Variants in VAC14 observed in about 807,000 individuals in gnomAD.
The protein encoded by VAC14 is VAC14 component of PIKFYVE complex.
A neutral mutation model predicts 85.3 loss-of-function variants in VAC14; 47 were observed. The ratio of observed to expected loss-of-function variants is 0.55; its 90% confidence interval spans 0.44 to 0.70. The LOEUF (loss-of-function observed/expected upper bound fraction) is 0.70, where lower values mean the gene tolerates loss of function less well. Among genes scored for constraint, VAC14 ranks in the 30% least tolerant of loss-of-function variants. The pLI, the probability that VAC14 is intolerant of heterozygous loss-of-function variation, is 0.00. For missense variants in VAC14, 861 were observed against 1,004.3 expected, an observed-to-expected ratio of 0.86 and a Z score of 1.93; for synonymous variants, 447 against 430.5, an observed-to-expected ratio of 1.04 and a Z score of -0.47.
intron 12 of VAC14, among the ~76,000 whole-genome samples, chr16:70,745,490 T>TGCGCGC (rs1173529755): frequency 7.1e-6 from 1 of 140,742 alleles, no homozygotes; most frequent in Non-Finnish European, 1.5e-5. Flanking sequence ...TCAGTGTGTG[T>TGCGCGC]GTGTGTGTGT....
At chr16:70,747,613 G>A (rs1198851982) in intron 12 of VAC14, 2 of 152,072 alleles carry the variant, frequency 1.3e-5, no homozygotes, top group Non-Finnish European at 2.9e-5. Context: ...GGTGTCTCTC[G>A]CCTGATCCAG....
At chr16:70,766,568 C>G (rs1012727194) in intron 10 of VAC14, 1 of 456,438 alleles carries the variant, frequency 2.2e-6, no homozygotes, top group Admixed American at 2.4e-5. Context: ...TAACACAATC[C>G]TTCAAGGTAC....
Position 70,751,066 on chromosome 16 carries a change from C to T in VAC14, c.1372-6487G>A, listed in dbSNP as rs572154206. 2.6e-5 allele frequency among the ~76,000 whole-genome samples: 4 copies of T among 152,292 alleles called. No homozygotes were observed. The South Asian group carries it at 6.2e-4, about 24-fold the overall frequency. Reference sequence around the variant, plus strand: ...GACAGGAAATGGAAGATGGATGGCTCTGAGCAGCTCCTGCCAAGGAGGATG... The same window carrying T: ...GACAGGAAATGGAAGATGGATGGCTTTGAGCAGCTCCTGCCAAGGAGGATG... On this transcript the variant is annotated intron_variant, in intron 12 of 18. Coordinates refer to ENST00000261776, the MANE Select transcript of VAC14 (RefSeq NM_018052.5).
chr16:70,782,333 C>T (rs1274716015), intron 7 of VAC14, among the ~76,000 whole-genome samples: 2 of 152,214 alleles, frequency 1.3e-5, no homozygotes, highest in South Asian at 2.1e-4. Context: ...GCCAATGAGA[C>T]GTGGTGGAAG....
At chr16:70,696,967 G>A (rs1326098352) in intron 16 of VAC14, 172 bp downstream of exon 16, 4 of 584,214 alleles carry the variant, frequency 6.8e-6, no homozygotes, top group Non-Finnish European at 1.2e-5. Context: ...TCCCAAATAC[G>A]TCCCTCCCCT....
intron 18 of VAC14, chr16:70,688,659 C>T: frequency 2.0e-6 from 2 of 985,588 alleles, no homozygotes; most frequent in Non-Finnish European, 2.4e-6. Context: ...CTGGACATGC[C>T]TACAGCTCCT....
At chr16:70,698,548 C>T in intron 15 of VAC14, 89 bp downstream of exon 15, 3 of 1,529,570 alleles carry the variant, frequency 2.0e-6, no homozygotes, top group South Asian at 2.4e-5. Flanking sequence ...CTGAGAGCCT[C>T]CTGGGGCCAG....
At chr16:70,746,152 T>A (rs189635609) in intron 12 of VAC14, among the ~76,000 whole-genome samples, 2 of 152,328 alleles carry the variant, frequency 1.3e-5, no homozygotes, top group African/African-American at 4.8e-5. Context: ...TGCCCAATTG[T>A]CACTTCTCCT....
intron 12 of VAC14, among the ~76,000 whole-genome samples, chr16:70,760,962 G>GTGTGTGTGTGTGTGT: frequency 2.1e-5 from 1 of 47,626 alleles, no homozygotes; most frequent in South Asian, 1.2e-3. Flanking sequence ...ACGAAGAGAG[G>GTGTGTGTGTGTGTGT]GTGTGTGTGT....
intron 1 of VAC14, among the ~76,000 whole-genome samples, chr16:70,795,355 G>A (rs531362078): frequency 5.9e-5 from 9 of 152,064 alleles, no homozygotes; most frequent in South Asian, 4.2e-4. Context: ...TTAGCCGGGC[G>A]TTGTGGTGGG....
chr16:70,698,922 C>G, intron 14 of VAC14, 111 bp from the exon 15 acceptor site: 1 of 1,106,790 alleles, frequency 9.0e-7, no homozygotes, highest in Non-Finnish European at 1.3e-6. Flanking sequence ...ACTGCTCTTT[C>G]CTGAGGCCAG....
intron 13 of VAC14, among the ~76,000 whole-genome samples, chr16:70,741,896 C>T (rs2030352320): frequency 6.6e-6 from 1 of 152,166 alleles, no homozygotes; most frequent in Admixed American, 6.5e-5. Context: ...CCCTGCCGCC[C>T]AAGCAGCGCA....
At chr16:70,689,282 A>G (rs1030117138) in intron 18 of VAC14, 8 of 985,386 alleles carry the variant, frequency 8.1e-6, no homozygotes, top group Non-Finnish European at 9.6e-6. Flanking sequence ...CAGCTTAGGT[A>G]TCTGGCAGGT....
chr16:70,693,477 A>G (rs1435611570), intron 17 of VAC14, among the ~76,000 whole-genome samples: 1 of 152,222 alleles, frequency 6.6e-6, no homozygotes, highest in East Asian at 1.9e-4. Flanking sequence ...GCAGGATGGA[A>G]AAACGCCTTT....
intron 1 of VAC14, among the ~76,000 whole-genome samples, chr16:70,799,593 A>T (rs1406792809): frequency 6.6e-6 from 1 of 152,212 alleles, no homozygotes; most frequent in Non-Finnish European, 1.5e-5. Flanking sequence ...GTTACAACGG[A>T]TGGAGTGCTA....
Position 70,762,946 on chromosome 16 carries a change from C to T in VAC14, c.1240G>A (p.Gly414Arg). Reference sequence around the variant, plus strand: ...AGAACTGCAATCCTGGTCATCATCCCAATGGCCGTGTCACTGAGGTGGCAG... The same window carrying T: ...AGAACTGCAATCCTGGTCATCATCCTAATGGCCGTGTCACTGAGGTGGCAG... Reference protein sequence around the residue: ...LNCHLSDTAIGMMTRIAVLKW... With the variant: ...LNCHLSDTAIRMMTRIAVLKW... Residue 414 changes from glycine to arginine, a missense_variant, in exon 11 of 19, where the codon GGG becomes AGG. Physicochemically the swap from Gly to Arg is moderately radical, Grantham distance 125. Coordinates refer to ENST00000261776, the MANE Select transcript of VAC14 (RefSeq NM_018052.5). The surrounding 1 kb of genome is among the most constrained non-coding windows in gnomAD (Gnocchi z 4.1). 6.2e-7 allele frequency: 1 copy of T among 1,614,204 alleles called. No homozygotes were observed. The highest frequency in any genetic ancestry group is 8.5e-7 in the Non-Finnish European group (1 of 1,180,038).
At chr16:70,727,581 G>A (rs902736350) in intron 14 of VAC14, among the ~76,000 whole-genome samples, 6 of 152,152 alleles carry the variant, frequency 3.9e-5, no homozygotes, top group African/African-American at 1.4e-4. Context: ...CTCGTGATCC[G>A]CACACCTCGG....
At chr16:70,718,335 G>C (rs1321555428) in intron 14 of VAC14, among the ~76,000 whole-genome samples, 3 of 152,056 alleles carry the variant, frequency 2.0e-5, no homozygotes, top group Non-Finnish European at 4.4e-5. Flanking sequence ...CACTTTGGGA[G>C]GCCAAGGCGG....
chr16:70,783,450 G>T lies in VAC14; in HGVS notation c.699C>A (p.Arg233=), dbSNP rs780313695. The T allele has an allele frequency of 1.1e-5, 18 of 1,613,870 alleles. No homozygotes were observed. In the South Asian group the frequency reaches 1.2e-4, roughly 11 times the overall value. ...QILGDNGKEI[R]KMCEVVLGEF... ...CTGCCCCTTACTCCACTCACATTTT[G>T]CGAATCTCTTTGCCATTGTCACCCA... The change falls in exon 6 of 19, where the codon CGC becomes CGA. Residue 233 remains arginine, a synonymous_variant. Transcript: ENST00000261776.
Sources: gnomAD v4.1 joint callset for allele counts (sites outside exome capture counted in the v4.1 genomes callset) on GRCh38, gnomAD v4.1.1 for gene constraint, Gnocchi (gnomAD v3.1) non-coding constraint, MANE v1.5 for transcripts, NCBI Gene and HGNC (gene_info 2026-07-23, HGNC 2026-07-21) for gene names.